AHCYL2: variants seen among roughly 807,000 people sequenced by gnomAD.
The protein encoded by AHCYL2 is S-adenosylhomocysteine hydrolase-like protein 2.
A neutral mutation model predicts 81.4 loss-of-function variants in AHCYL2; 28 were observed. The ratio of observed to expected loss-of-function variants is 0.34; its 90% CI spans 0.25 to 0.47. The LOEUF (loss-of-function observed/expected upper bound fraction) is 0.47, where lower values mean the gene tolerates loss of function less well. Among genes scored for constraint, AHCYL2 ranks in the 20% least tolerant of loss-of-function variants. The probability of loss-of-function intolerance (pLI) is 1.00; values close to 1 mark genes in which losing one functional copy is unlikely to be tolerated. For missense variants in AHCYL2, 551 were observed against 785.1 expected (o/e 0.70, Z 3.56); for synonymous variants, 272 against 290.2 (o/e 0.94, Z 0.64).
intron 4 of AHCYL2, among the ~76,000 whole-genome samples, chr7:129,394,416 T>A (rs1160172028): frequency 6.6e-6 from 1 of 151,686 alleles, no homozygotes; most frequent in Non-Finnish European, 1.5e-5. Flanking sequence ...CTGACTTTTT[T>A]TTTTTCCTGG....
intron 1 of AHCYL2, among the ~76,000 whole-genome samples, chr7:129,287,686 C>T (rs922031163): frequency 3.9e-5 from 6 of 152,192 alleles, no homozygotes; most frequent in Non-Finnish European, 8.8e-5. Flanking sequence ...AAGTCAGATG[C>T]TGAGAGGTCA....
At chr7:129,391,415 G>A (rs78002840) in intron 4 of AHCYL2, among the ~76,000 whole-genome samples, 5,351 of 152,218 alleles carry the variant, frequency 0.035, 108 homozygotes, top group Middle Eastern at 0.078. Context: ...CTTTTATTGG[G>A]ACATTTGAAA....
At chr7:129,226,362 TTC>T (rs1282703750) in intron 1 of AHCYL2, among the ~76,000 whole-genome samples, 11 of 152,246 alleles carry the variant, frequency 7.2e-5, no homozygotes, top group African/African-American at 1.4e-4. Context: ...TTGTCTTTCT[TTC>T]TCTCTTAAAG....
At chr7:129,252,165 T>G (rs751291650) in intron 1 of AHCYL2, among the ~76,000 whole-genome samples, 14 of 152,220 alleles carry the variant, frequency 9.2e-5, no homozygotes, top group Non-Finnish European at 1.8e-4. Context: ...TAACCCCTGA[T>G]GCCATGACAT....
chr7:129,269,091 G>A (rs1438151998), intron 1 of AHCYL2, among the ~76,000 whole-genome samples: 2 of 148,736 alleles, frequency 1.3e-5, no homozygotes, highest in East Asian at 4.0e-4. Flanking sequence ...GGCTTTCAAA[G>A]TTTCTTTTTT....
At chr7:129,277,329 A>G (rs1449417597) in intron 1 of AHCYL2, among the ~76,000 whole-genome samples, 2 of 147,758 alleles carry the variant, frequency 1.4e-5, no homozygotes, top group Admixed American at 6.8e-5. Context: ...CCCAGGCTAG[A>G]TGGAGTGGTG....
chr7:129,289,746 T>G (rs1328972597), intron 1 of AHCYL2, among the ~76,000 whole-genome samples: 1 of 152,146 alleles, frequency 6.6e-6, no homozygotes, highest in African/African-American at 2.4e-5. Flanking sequence ...ATTGCATTTT[T>G]TTCCTTTTCT....
chr7:129,399,698 T>C (rs1795930858), intron 5 of AHCYL2, among the ~76,000 whole-genome samples: 1 of 151,632 alleles, frequency 6.6e-6, no homozygotes, highest in Non-Finnish European at 1.5e-5. Flanking sequence ...AGTACCTGTT[T>C]CTGGTTTTTG....
chr7:129,330,089 C>G (rs1477466566), intron 1 of AHCYL2, among the ~76,000 whole-genome samples: 2 of 152,200 alleles, frequency 1.3e-5, no homozygotes, highest in Non-Finnish European at 2.9e-5. Flanking sequence ...AGCTTGAGCT[C>G]ACCTCCTGGG....
chr7:129,288,394 C>G (rs184306875), intron 1 of AHCYL2, among the ~76,000 whole-genome samples: 1 of 152,198 alleles, frequency 6.6e-6, no homozygotes, highest in East Asian at 1.9e-4. Context: ...GACAGAGTCT[C>G]GCATCACTCA....
In AHCYL2 at chr7:129,368,901, G is replaced by C. The variant is rs1794234616; in HGVS notation, c.364-10737G>C. On this transcript the variant is annotated intron_variant, in intron 1 of 16. Coordinates refer to ENST00000325006, the MANE Select transcript of AHCYL2 (RefSeq NM_015328.4). The surrounding 1 kb of genome is among the most constrained non-coding windows in gnomAD (Gnocchi z 4.4). ...TGATGCTTCATTTGTTTCTCTGGGG[G>C]TAAAGAAAAAGAACAATGAGGAGAA... Among the ~76,000 whole-genome samples, 3 of 152,080 alleles carry C rather than the reference G, an allele frequency of 2.0e-5. No individual in the cohort carries two copies. The highest frequency in any genetic ancestry group is 7.2e-5 in the African/African-American group (3 of 41,406).
At chr7:129,247,677 T>C (rs894583033) in intron 1 of AHCYL2, among the ~76,000 whole-genome samples, 1 of 152,144 alleles carries the variant, frequency 6.6e-6, no homozygotes, top group African/African-American at 2.4e-5. Context: ...CATGGCTTAC[T>C]GCAGCCTTGA....
chr7:129,403,243 G>A (rs1796119221), intron 6 of AHCYL2, 136 bp from the exon 7 acceptor site: 3 of 505,996 alleles, frequency 5.9e-6, no homozygotes, highest in Non-Finnish European at 1.1e-5. Flanking sequence ...CTGGCTTTAA[G>A]TTACTTTGCA....
chr7:129,270,589 G>C (rs1472472257), intron 1 of AHCYL2, among the ~76,000 whole-genome samples: 1 of 152,006 alleles, frequency 6.6e-6, no homozygotes, highest in Non-Finnish European at 1.5e-5. Context: ...ATCCTTAGGG[G>C]CAAAAAAATG....
chr7:129,391,744 T>C (rs1202142168), intron 4 of AHCYL2, among the ~76,000 whole-genome samples: 1 of 152,248 alleles, frequency 6.6e-6, no homozygotes, highest in Non-Finnish European at 1.5e-5. Context: ...ACAACACTTA[T>C]GTGGTCACAT....
chr7:129,429,580 G>A lies in AHCYL2; in HGVS notation c.*2535G>A, dbSNP rs1797498861. On this transcript the variant is annotated 3_prime_UTR_variant, in exon 17 of 17. Coordinates refer to ENST00000325006, the MANE Select transcript of AHCYL2 (RefSeq NM_015328.4). ...GGGTTTCACTATGTTGCCCAGGCTG[G>A]TCTCAAACTCCTGGGCTCAAGCAAT... 6.6e-6 allele frequency: 1 copy of A among 152,174 alleles called. No individual in the cohort carries two copies. The highest frequency in any genetic ancestry group is 1.5e-5 in the Non-Finnish European group (1 of 68,082). 9.4% of individuals were successfully genotyped at this position (152,174 alleles called of 1,614,324 possible). A position where few individuals can be genotyped will look rare whatever the true frequency, so the allele number is the denominator to read the frequency against.
chr7:129,409,926 G>T (rs1796487054), intron 11 of AHCYL2, among the ~76,000 whole-genome samples: 1 of 150,260 alleles, frequency 6.7e-6, no homozygotes, highest in Non-Finnish European at 1.5e-5. Context: ...AAATTTTCAA[G>T]AGACAAACCA....
At chr7:129,411,351 C>T (rs890693018) in intron 11 of AHCYL2, among the ~76,000 whole-genome samples, 2 of 152,156 alleles carry the variant, frequency 1.3e-5, no homozygotes, top group Non-Finnish European at 2.9e-5. Context: ...TTCCATCCTC[C>T]ATCATCCGCC....
intron 5 of AHCYL2, among the ~76,000 whole-genome samples, chr7:129,398,439 C>T (rs1018408675): frequency 4.0e-5 from 6 of 150,702 alleles, no homozygotes; most frequent in Admixed American, 2.7e-4. Context: ...AGTGCAGTGG[C>T]ATGATCTCGG....
Sources: allele counts gnomAD v4.1 joint callset (sites outside exome capture counted in the v4.1 genomes callset), GRCh38; gene constraint gnomAD v4.1.1; non-coding constraint Gnocchi (gnomAD v3.1); transcripts MANE v1.5; gene names NCBI Gene and HGNC (gene_info 2026-07-23, HGNC 2026-07-21).